PTBP3: variants seen among roughly 807,000 people sequenced by gnomAD.
PTBP3 encodes the protein polypyrimidine tract binding protein 3, also known as polypyrimidine tract-binding protein 3.
PTBP3 carries 20 observed loss-of-function variants against 58.7 expected under a neutral mutation model. The ratio of observed to expected loss-of-function variants is 0.34; its 90% CI spans 0.24 to 0.50. The LOEUF is 0.50. PTBP3 is among the 20% of genes least tolerant of loss of function. PTBP3 has a pLI of 0.98. For missense variants in PTBP3, 509 were observed against 637.2 expected (o/e 0.80, Z 2.17); for synonymous variants, 185 against 219.8 (o/e 0.84, Z 1.40).
At chr9:112,253,336 G>A (rs1216810861) in intron 5 of PTBP3, among the ~76,000 whole-genome samples, 1 of 152,174 alleles carries the variant, frequency 6.6e-6, no homozygotes, top group African/African-American at 2.4e-5. Context: ...AGAAGGGAAG[G>A]GGTGAGCACG....
At position 112,320,314 on chromosome 9, in the gene PTBP3, A is replaced by ATATATATATATATATTTTT; in HGVS notation, c.-52+13155_-52+13156insAAAAATATATATATATATA. 2.8e-3 allele frequency among the ~76,000 whole-genome samples: 208 copies of ATATATATATATATATTTTT among 75,606 alleles called. 3 individuals carry two copies. The highest frequency in any genetic ancestry group is 5.2e-3 in the African/African-American group (77 of 14,882). The allele number at this position is 75,606 out of a possible 152,430, so 49.6% of individuals were successfully genotyped here. ...AAAATATATATATATATATATATAT[A>ATATATATATATATATTTTT]TTTTTTTTTAAGTGTTATCACCAGA... On this transcript the variant is annotated intron_variant, in intron 1 of 13. Transcript: ENST00000374257.
At chr9:112,224,839 C>A (rs148099357) in intron 12 of PTBP3, among the ~76,000 whole-genome samples, 1 of 152,128 alleles carries the variant, frequency 6.6e-6, no homozygotes, top group Admixed American at 6.5e-5. Flanking sequence ...GGAAGGACAC[C>A]GTGAAGACAC....
At chr9:112,342,588 C>T in the PTBP3 span, among the ~76,000 whole-genome samples, 41 of 152,214 alleles carry the variant, frequency 2.7e-4, no homozygotes, top group Admixed American at 1.3e-3. Context: ...TGGTGGCACA[C>T]ACCTGTAATC....
intron 7 of PTBP3, among the ~76,000 whole-genome samples, chr9:112,244,288 T>TAAAAAAAAAAAAAAA (rs1439248076): frequency 1.7e-4 from 1 of 5,862 alleles, no homozygotes; most frequent in Non-Finnish European, 2.8e-4. Flanking sequence ...AGACTCTGTC[T>TAAAAAAAAAAAAAAA]CAAAAAAAAA....
At chr9:112,268,712 CAAAAAAA>C (rs56196327) in intron 3 of PTBP3, among the ~76,000 whole-genome samples, 1 of 94,064 alleles carries the variant, frequency 1.1e-5, no homozygotes, top group Non-Finnish European at 2.2e-5. Flanking sequence ...GACACCGTCT[CAAAAAAA>C]AAAAAAAAAA....
chr9:112,224,149 C>A lies in PTBP3; in HGVS notation c.1426G>T (p.Ala476Ser), dbSNP rs1219716259. Residue 476 changes from alanine (A) to serine (S), a missense_variant, in exon 13 of 14, where the codon GCT becomes TCT. This residue lies in a region of PTBP3 where 135 missense variants were observed against 229.0 expected (regional missense o/e 0.59). Coordinates refer to ENST00000374257, the MANE Select transcript of PTBP3 (RefSeq NM_001163788.4). ...LFIEAGCSVKAFKFFQKDRKM... is the reference protein window; with the variant it reads ...LFIEAGCSVKSFKFFQKDRKM... ...AAGACTTACTGAAAGAATTTAAAAG[C>A]CTTCACTGAACATCCAGCTTCTATG... is the stretch of plus-strand genomic sequence containing the variant. The A allele has an allele frequency of 1.3e-6, 2 of 1,581,280 alleles. No homozygotes were observed. The highest frequency in any genetic ancestry group is 2.8e-5 in the African/African-American group (2 of 72,680).
chr9:112,226,186 A>AC (rs1353592893), intron 12 of PTBP3, among the ~76,000 whole-genome samples: 4 of 150,274 alleles, frequency 2.7e-5, no homozygotes, highest in African/African-American at 9.8e-5. Context: ...CTTTTAATCT[A>AC]CTTTTTTTTT....
intron 12 of PTBP3, among the ~76,000 whole-genome samples, chr9:112,224,460 TTC>T (rs1834908440): frequency 6.6e-6 from 1 of 152,218 alleles, no homozygotes; most frequent in South Asian, 2.1e-4. Flanking sequence ...TCTTTCTATA[TTC>T]TTTTTTCTTT....
At chr9:112,252,019 TAG>T (rs961314149) in intron 6 of PTBP3, among the ~76,000 whole-genome samples, 5 of 152,034 alleles carry the variant, frequency 3.3e-5, no homozygotes, top group African/African-American at 4.8e-5. Context: ...AAGATGAAAT[TAG>T]AGTCAGGGAT....
At position 112,220,367 on chromosome 9, in the gene PTBP3, G is replaced by A. The variant is rs769727583; in HGVS notation, c.*3484C>T. ...GAATCACTTGAGCCCAGGAGTTGGCGAGACCCCTAAAAATAAAATAAAGTA... is the reference window on the plus strand; with the variant it reads ...GAATCACTTGAGCCCAGGAGTTGGCAAGACCCCTAAAAATAAAATAAAGTA... On this transcript the variant is annotated 3_prime_UTR_variant, in exon 14 of 14. Coordinates refer to ENST00000374257, the MANE Select transcript of PTBP3 (RefSeq NM_001163788.4). 7 of 1,251,558 alleles carry A rather than the reference G, an allele frequency of 5.6e-6. No homozygotes were observed. The highest frequency in any genetic ancestry group is 5.6e-5 in the Admixed American group (2 of 35,966). 77.5% of individuals were successfully genotyped at this position (1,251,558 alleles called of 1,614,324 possible).
the PTBP3 span, among the ~76,000 whole-genome samples, chr9:112,377,665 A>G: frequency 1.3e-5 from 2 of 152,246 alleles, no homozygotes; most frequent in Non-Finnish European, 2.9e-5. Flanking sequence ...TGTTGTAACC[A>G]GTAGTCTGTC....
chr9:112,223,622 A>T lies in PTBP3; in HGVS notation c.*229T>A, dbSNP rs1258631028. ...TTTTTTCCTGATTTTCTTTTTCCTG[A>T]AGGTTATTTTTGTAGAAACCATGGT... On this transcript the variant is annotated 3_prime_UTR_variant, in exon 14 of 14. Coordinates refer to ENST00000374257, the MANE Select transcript of PTBP3 (RefSeq NM_001163788.4). 24 of 1,241,006 alleles carry T rather than the reference A, an allele frequency of 1.9e-5. No homozygotes were observed. The highest frequency in any genetic ancestry group is 2.4e-5 in the Non-Finnish European group (24 of 984,108). 76.9% of individuals were successfully genotyped at this position (1,241,006 alleles called of 1,614,324 possible). A position where few individuals can be genotyped will look rare whatever the true frequency, so the allele number is the denominator to read the frequency against.
intron 6 of PTBP3, among the ~76,000 whole-genome samples, chr9:112,251,513 G>A (rs1836115395): frequency 6.6e-6 from 1 of 152,108 alleles, no homozygotes. Flanking sequence ...ACTAGGATGT[G>A]TAAGCTTTGT....
At chr9:112,299,375 C>T (rs1828819152) in intron 1 of PTBP3, among the ~76,000 whole-genome samples, 1 of 151,908 alleles carries the variant, frequency 6.6e-6, no homozygotes, top group Admixed American at 6.6e-5. Context: ...ACCTAGATAA[C>T]ATTAAAATTA....
chr9:112,231,974 GAGAAGAGAAGAGAAGAGA>G (rs1564391441), intron 9 of PTBP3, 107 bp downstream of exon 9: 34 of 383,316 alleles, frequency 8.9e-5, no homozygotes, highest in East Asian at 1.4e-4. Context: ...GAAGAGAGAA[GAGAAGAGAAGAGAAGAGA>G]AGAGAAGAGA....
chr9:112,305,928 A>T (rs528654244), intron 1 of PTBP3, among the ~76,000 whole-genome samples: 2 of 152,240 alleles, frequency 1.3e-5, no homozygotes, highest in East Asian at 3.9e-4. Flanking sequence ...CGACAGAGCG[A>T]GACTCTGTCT....
At chr9:112,307,035 G>C (rs1003388782) in intron 1 of PTBP3, among the ~76,000 whole-genome samples, 1 of 152,182 alleles carries the variant, frequency 6.6e-6, no homozygotes, top group Non-Finnish European at 1.5e-5. Context: ...ATGATATTAG[G>C]AAGAGCTTTT....
At chr9:112,355,796 T>A in the PTBP3 span, among the ~76,000 whole-genome samples, 3 of 151,984 alleles carry the variant, frequency 2.0e-5, no homozygotes, top group Non-Finnish European at 4.4e-5. Flanking sequence ...ATTTTTGTAT[T>A]TTTTTGTAGA....
the PTBP3 span, among the ~76,000 whole-genome samples, chr9:112,355,688 G>A: frequency 1.3e-5 from 2 of 148,932 alleles, no homozygotes; most frequent in African/African-American, 2.5e-5. Flanking sequence ...GTGCAGTGGC[G>A]TGATCACAGC....
Sources: allele counts gnomAD v4.1 joint callset (sites outside exome capture counted in the v4.1 genomes callset), GRCh38; gene constraint gnomAD v4.1.1; regional missense constraint gnomAD v4.1.1; transcripts MANE v1.5; gene names NCBI Gene and HGNC (gene_info 2026-07-23, HGNC 2026-07-21).